The following TCF4 variants were observed in gnomAD, a reference collection of about 807,000 sequenced individuals.
The protein encoded by TCF4 is SL3-3 enhancer factor 2.
TCF4 carries 3 observed loss-of-function variants against 82.1 expected under a neutral mutation model. The ratio of observed to expected loss-of-function variants is 0.04; its 90% CI spans 0.02 to 0.09. The LOEUF (loss-of-function observed/expected upper bound fraction) is 0.09, where lower values mean the gene tolerates loss of function less well. Among genes scored for constraint, TCF4 ranks in the 10% least tolerant of loss-of-function variants. The probability of loss-of-function intolerance (pLI) is 1.00; values close to 1 mark genes in which losing one functional copy is unlikely to be tolerated. For synonymous variants in TCF4, 276 were observed against 309.6 expected (o/e 0.89, Z 1.14); for missense variants, 518 against 852.7 (o/e 0.61, Z 4.89).
intron 6 of TCF4, among the ~76,000 whole-genome samples, chr18:55,396,341 T>C (rs754361229): frequency 6.6e-6 from 1 of 152,242 alleles, no homozygotes; most frequent in Non-Finnish European, 1.5e-5. Flanking sequence ...CAGAGATTTA[T>C]ATTGGCACCT....
intron 5 of TCF4, among the ~76,000 whole-genome samples, chr18:55,409,445 G>A (rs2094245931): frequency 6.6e-6 from 1 of 151,990 alleles, no homozygotes; most frequent in Admixed American, 6.6e-5. Flanking sequence ...TATGCTCAAG[G>A]ATTCTTCTGC....
chr18:55,281,162 G>A (rs2062528877), intron 8 of TCF4, among the ~76,000 whole-genome samples: 1 of 152,036 alleles, frequency 6.6e-6, no homozygotes, highest in Admixed American at 6.6e-5. Context: ...TTTCCAGAGG[G>A]CTTACAATAA....
intron 3 of TCF4, among the ~76,000 whole-genome samples, chr18:55,488,186 T>A (rs956212683): frequency 7.2e-5 from 11 of 152,168 alleles, no homozygotes; most frequent in Non-Finnish European, 1.2e-4. Flanking sequence ...ACTCCCTGGG[T>A]TTTCATTGGC....
chr18:55,424,801 TC>T (rs1442737675), intron 5 of TCF4, among the ~76,000 whole-genome samples: 1 of 152,208 alleles, frequency 6.6e-6, no homozygotes, highest in Non-Finnish European at 1.5e-5. Flanking sequence ...TTATAAAGAA[TC>T]AACTATATTT....
intron 3 of TCF4, among the ~76,000 whole-genome samples, chr18:55,515,931 G>A (rs779848643): frequency 2.0e-4 from 31 of 152,106 alleles, no homozygotes; most frequent in Admixed American, 3.3e-4. Context: ...TGGTGATTCC[G>A]GAGAAAGACT....
chr18:55,334,084 A>G (rs2078136625), intron 8 of TCF4, among the ~76,000 whole-genome samples: 1 of 152,134 alleles, frequency 6.6e-6, no homozygotes, highest in African/African-American at 2.4e-5. Context: ...GACTCAGCCT[A>G]ATTTCATTTT....
chr18:55,390,290 A>T (rs1185800689), intron 6 of TCF4, among the ~76,000 whole-genome samples: 4 of 147,512 alleles, frequency 2.7e-5, no homozygotes, highest in African/African-American at 1.0e-4. Flanking sequence ...GACTCTTAAA[A>T]AAAAAAAAAA....
At chr18:55,457,350 G>A (rs2095782450) in intron 5 of TCF4, among the ~76,000 whole-genome samples, 1 of 152,210 alleles carries the variant, frequency 6.6e-6, no homozygotes, top group Non-Finnish European at 1.5e-5. Flanking sequence ...TACATTGTGT[G>A]TATGGGTGTA....
chr18:55,257,664 G>A (rs2145608537), intron 13 of TCF4, among the ~76,000 whole-genome samples: 1 of 152,206 alleles, frequency 6.6e-6, no homozygotes, highest in African/African-American at 2.4e-5. Context: ...TGGTAAGAAG[G>A]GTTCCTGTGG....
intron 3 of TCF4, among the ~76,000 whole-genome samples, chr18:55,527,408 G>A (rs952373043): frequency 6.6e-6 from 1 of 152,142 alleles, no homozygotes; most frequent in Non-Finnish European, 1.5e-5. Flanking sequence ...GTAAGGAATT[G>A]TTTATATGCA....
At chr18:55,321,383 C>T in intron 8 of TCF4, 1 of 450,734 alleles carries the variant, frequency 2.2e-6, no homozygotes, top group Non-Finnish European at 4.0e-6. Flanking sequence ...AATCATACCA[C>T]CTCTCAACTT....
chr18:55,316,715 C>A (rs2074234151), intron 8 of TCF4, among the ~76,000 whole-genome samples: 1 of 152,022 alleles, frequency 6.6e-6, no homozygotes, highest in Non-Finnish European at 1.5e-5. Context: ...TCCTGTAGAT[C>A]AGTTGGAAAG....
chr18:55,234,442 G>T (rs562504297), intron 16 of TCF4, 106 bp downstream of exon 16: 4 of 1,507,960 alleles, frequency 2.7e-6, no homozygotes, highest in Non-Finnish European at 3.7e-6. Flanking sequence ...TTTGATTCCT[G>T]GGTTTCTGCC....
rs558804749 is a variant in TCF4, at chr18:55,389,316, C to G, written c.369+14138G>C. On this transcript the variant is annotated intron_variant, in intron 6 of 19. Transcript: ENST00000354452. ...TGGAACAAGCACTTCCTGGGTGCCC[C>G]TGTTAGACACTGCAGATAGAGACGG... is the stretch of plus-strand genomic sequence containing the variant. Among the ~76,000 whole-genome samples the G allele has an allele frequency of 5.3e-5, 8 of 152,290 alleles. No individual in the cohort carries two copies. The South Asian group carries it at 1.7e-3, about 32-fold the overall frequency.
chr18:55,393,438 A>C (rs1163922244), intron 6 of TCF4, among the ~76,000 whole-genome samples: 1 of 152,186 alleles, frequency 6.6e-6, no homozygotes, highest in African/African-American at 2.4e-5. Flanking sequence ...TGTATGGCCT[A>C]CTAACTCATT....
At chr18:55,603,862 G>A (rs565919543) in intron 2 of TCF4, among the ~76,000 whole-genome samples, 1 of 152,126 alleles carries the variant, frequency 6.6e-6, no homozygotes, top group African/African-American at 2.4e-5. Flanking sequence ...AATTCCTCCT[G>A]AGGAGAAAAC....
At chr18:55,566,000 A>T (rs1045688858) in intron 3 of TCF4, among the ~76,000 whole-genome samples, 2 of 150,088 alleles carry the variant, frequency 1.3e-5, no homozygotes, top group Non-Finnish European at 3.0e-5. Context: ...GGAGATCGAG[A>T]CCATCCTGGC....
At chr18:55,246,720 T>C (rs2053350405) in intron 15 of TCF4, among the ~76,000 whole-genome samples, 1 of 152,162 alleles carries the variant, frequency 6.6e-6, no homozygotes, top group African/African-American at 2.4e-5. Flanking sequence ...CCTTTTTTTT[T>C]TCAGTTTTAA....
At chr18:55,467,027 T>TC (rs1183018807) in intron 3 of TCF4, among the ~76,000 whole-genome samples, 4 of 152,166 alleles carry the variant, frequency 2.6e-5, no homozygotes, top group African/African-American at 7.2e-5. Context: ...TGAACAGGCT[T>TC]CCCCTTCCCT....
Sources: gnomAD v4.1 joint callset for allele counts (sites outside exome capture counted in the v4.1 genomes callset) on GRCh38, gnomAD v4.1.1 for gene constraint, MANE v1.5 for transcripts, NCBI Gene and HGNC (gene_info 2026-07-23, HGNC 2026-07-21) for gene names.